NLRP4: variants seen among roughly 807,000 people sequenced by gnomAD.
The protein encoded by NLRP4 is NACHT, LRR and PYD domains-containing protein 4.
NLRP4 carries 44 observed loss-of-function variants against 84.7 expected under a neutral mutation model. That is an observed-to-expected ratio of 0.52 (90% confidence interval 0.41 to 0.67). The LOEUF is 0.67. Among genes scored for constraint, NLRP4 ranks in the 30% least tolerant of loss-of-function variants. NLRP4 has a pLI of 0.00. For synonymous variants in NLRP4, 544 were observed against 476.4 expected, an observed-to-expected ratio of 1.14 and a Z score of -1.85; for missense variants, 1,260 against 1,219.4, an observed-to-expected ratio of 1.03 and a Z score of -0.50.
chr19:55,856,579 C>T (rs1984427662), intron 2 of NLRP4, among the ~76,000 whole-genome samples: 1 of 144,566 alleles, frequency 6.9e-6, no homozygotes, highest in South Asian at 2.2e-4. Context: ...ACAGCAGTGC[C>T]ATCTCAGCTC....
At position 55,864,462 on chromosome 19, in the gene NLRP4, A is replaced by C. The variant is rs1324397195; in HGVS notation, c.2186+2303A>C. Among the ~76,000 whole-genome samples, 4 of 151,662 alleles carry C rather than the reference A, an allele frequency of 2.6e-5. No individual in the cohort carries two copies. In the East Asian group the frequency reaches 7.7e-4, roughly 29 times the overall value. On this transcript the variant is annotated intron_variant, in intron 5 of 9. Transcript: ENST00000301295. ...TAGATATTCCCCATTTTGTTCTTCT[A>C]GTCCTCTAGTGATGAACACTTGGGT...
rs776725046 is a variant in NLRP4 at position 55,858,182 on chromosome 19, T to C, written c.789T>C (p.Ser263=). The C allele has an allele frequency of 1.2e-6, 2 of 1,614,016 alleles. No individual in the cohort carries two copies. The highest frequency in any genetic ancestry group is 1.7e-6 in the Non-Finnish European group (2 of 1,179,996). ...GGCCGGTGCAGGTGCTTCTGAGCAG[T>C]TTGCTGAGGAAGAAGATGCTCCCGG... ...EKRPVQVLLS[S]LLRKKMLPEA... Residue 263 remains serine (S), a synonymous_variant, in exon 3 of 10, where the codon AGT becomes AGC. Transcript: ENST00000301295. This position sits in a 1 kb window ranked among gnomAD's most constrained non-coding sequence, Gnocchi z 4.2.
At chr19:55,838,968 C>A (rs200010855) in intron 1 of NLRP4, among the ~76,000 whole-genome samples, 1 of 140,206 alleles carries the variant, frequency 7.1e-6, no homozygotes, top group Non-Finnish European at 1.5e-5. Flanking sequence ...TTTTTTTTTT[C>A]TTTTTTTAAA....
chr19:55,852,141 G>A lies in NLRP4; in HGVS notation c.61G>A (p.Glu21Lys). 6.2e-7 allele frequency: 1 copy of A among 1,607,350 alleles called. No individual in the cohort carries two copies. Among genetic ancestry groups the A allele is most frequent in the Non-Finnish European group, 8.5e-7 (1 of 1,177,646 alleles). ...GTGGTATCTGGAGGAGCTCAAAAAG[G>A]AGGAGTTCAGGAAATTTAAAGAACA... ...LMWYLEELKK[E>K]EFRKFKEHLK... is the part of the protein sequence containing the mutation. The change falls in exon 2 of 10, where the codon GAG (glutamate) becomes AAG (lysine). Residue 21 changes from glutamate to lysine, a missense_variant. Physicochemically the swap from Glu to Lys is moderately conservative, Grantham distance 56. Coordinates refer to ENST00000301295, the MANE Select transcript of NLRP4 (RefSeq NM_134444.5).
chr19:55,837,406 C>T (rs1163326853), intron 1 of NLRP4, among the ~76,000 whole-genome samples: 1 of 152,034 alleles, frequency 6.6e-6, no homozygotes, highest in Non-Finnish European at 1.5e-5. Flanking sequence ...GTATATTCAA[C>T]CTATAGTGCT....
chr19:55,850,113 AGCTGCGGTGTAATTTC>A (rs1984008313), intron 1 of NLRP4, among the ~76,000 whole-genome samples: 1 of 52,302 alleles, frequency 1.9e-5, no homozygotes, highest in African/African-American at 1.1e-4. Context: ...TAATTACCGT[AGCTGCGGTGTAATTTC>A]CGTGGCTGCG....
At chr19:55,869,387 A>C (rs1245374174) in intron 6 of NLRP4, among the ~76,000 whole-genome samples, 3 of 151,988 alleles carry the variant, frequency 2.0e-5, no homozygotes, top group African/African-American at 4.8e-5. Flanking sequence ...ATAAACCAAA[A>C]AAAAAACAAA....
At chr19:55,878,216 A>C (rs958066344) in intron 8 of NLRP4, among the ~76,000 whole-genome samples, 3 of 152,074 alleles carry the variant, frequency 2.0e-5, no homozygotes, top group Non-Finnish European at 4.4e-5. Flanking sequence ...GCAATGAGCC[A>C]TGATCATGCC....
intron 6 of NLRP4, 148 bp from the exon 7 acceptor site, chr19:55,870,679 A>G (rs1205299394): frequency 1.3e-5 from 8 of 594,240 alleles, no homozygotes; most frequent in Middle Eastern, 2.7e-4. Context: ...AATAAATGAG[A>G]GGAGGTGTTT....
intron 6 of NLRP4, among the ~76,000 whole-genome samples, chr19:55,868,402 T>A (rs1170703659): frequency 6.6e-6 from 1 of 152,054 alleles, no homozygotes; most frequent in Non-Finnish European, 1.5e-5. Flanking sequence ...GATGAGTAAG[T>A]GTTAAAGGCC....
intron 5 of NLRP4, among the ~76,000 whole-genome samples, chr19:55,866,897 T>G (rs1173908838): frequency 6.6e-6 from 1 of 152,128 alleles, no homozygotes; most frequent in East Asian, 1.9e-4. Context: ...GGTAGGACCC[T>G]TGTGGATCAT....
intron 2 of NLRP4, among the ~76,000 whole-genome samples, chr19:55,853,377 T>C (rs1984246398): frequency 6.6e-6 from 1 of 152,150 alleles, no homozygotes; most frequent in Admixed American, 6.5e-5. Context: ...CTTCTGGGAC[T>C]CCAGTTACAC....
intron 7 of NLRP4, among the ~76,000 whole-genome samples, chr19:55,875,596 A>G (rs1036730547): frequency 6.6e-6 from 1 of 152,320 alleles, no homozygotes; most frequent in Admixed American, 6.5e-5. Context: ...AGTTTTCTGT[A>G]AGTTGAATTC....
rs117750506 is a variant in NLRP4 at position 55,850,064 on chromosome 19, A to G, written c.-65-1952A>G. 9.5e-3 allele frequency among the ~76,000 whole-genome samples: 961 copies of G among 100,980 alleles called. 55 individuals carry two copies. The highest frequency in any genetic ancestry group is 0.012 in the African/African-American group (185 of 15,778). The allele number at this position is 100,980 out of a possible 152,430, so 66.2% of individuals were successfully genotyped here. A position where few individuals can be genotyped will look rare whatever the true frequency, so the allele number is the denominator to read the frequency against. ...GGTGTGATTTCCGTAGCTGCGGTGG[A>G]ATTTCCGAGACTGCGGTGTAATTTC... On this transcript the variant is annotated intron_variant, in intron 1 of 9. Coordinates refer to ENST00000301295, the MANE Select transcript of NLRP4 (RefSeq NM_134444.5).
At chr19:55,844,917 TTAAAG>T (rs2122998774) in intron 1 of NLRP4, among the ~76,000 whole-genome samples, 1 of 152,134 alleles carries the variant, frequency 6.6e-6, no homozygotes, top group East Asian at 1.9e-4. Flanking sequence ...GGGGGAATAT[TTAAAG>T]TTCCATCTGT....
intron 1 of NLRP4, among the ~76,000 whole-genome samples, chr19:55,847,824 C>A (rs1207980562): frequency 6.6e-6 from 1 of 151,646 alleles, no homozygotes; most frequent in Non-Finnish European, 1.5e-5. Context: ...AAGTGACTCT[C>A]CTGCCTCAGC....
At chr19:55,838,363 A>C (rs1983471391) in intron 1 of NLRP4, among the ~76,000 whole-genome samples, 1 of 151,814 alleles carries the variant, frequency 6.6e-6, no homozygotes, top group Non-Finnish European at 1.5e-5. Context: ...AGTCAGAGTG[A>C]AATTACATAG....
chr19:55,849,888 C>A (rs1983961895), intron 1 of NLRP4, among the ~76,000 whole-genome samples: 1 of 10,224 alleles, frequency 9.8e-5, no homozygotes, highest in Non-Finnish European at 1.6e-4. Context: ...GGTGTAATTT[C>A]CGTGGCCGGC....
At chr19:55,853,086 A>G (rs1318614669) in intron 2 of NLRP4, among the ~76,000 whole-genome samples, 1 of 152,246 alleles carries the variant, frequency 6.6e-6, no homozygotes, top group Non-Finnish European at 1.5e-5. Context: ...AATGATCTAT[A>G]AGCAATATGG....
Sources: allele counts gnomAD v4.1 joint callset (sites outside exome capture counted in the v4.1 genomes callset), GRCh38; gene constraint gnomAD v4.1.1; non-coding constraint Gnocchi (gnomAD v3.1); transcripts MANE v1.5; gene names NCBI Gene and HGNC (gene_info 2026-07-23, HGNC 2026-07-21).